BMPER: variants seen among roughly 807,000 people sequenced by gnomAD.
The protein encoded by BMPER is BMP binding endothelial regulator.
BMPER carries 45 observed loss-of-function variants against 87.3 expected under a neutral mutation model. That is an observed-to-expected ratio of 0.52 (90% CI 0.41 to 0.66). The LOEUF (loss-of-function observed/expected upper bound fraction) is 0.66, where lower values mean the gene tolerates loss of function less well. Among genes scored for constraint, BMPER ranks in the 30% least tolerant of loss-of-function variants. The probability of loss-of-function intolerance (pLI) is 0.00; values close to 1 mark genes in which losing one functional copy is unlikely to be tolerated. For missense variants in BMPER, 784 were observed against 867.5 expected (o/e 0.90, Z 1.21); for synonymous variants, 326 against 316.2 (o/e 1.03, Z -0.33).
chr7:33,930,033 A>G (rs1784444511), intron 2 of BMPER, among the ~76,000 whole-genome samples: 1 of 152,128 alleles, frequency 6.6e-6, no homozygotes, highest in South Asian at 2.1e-4. Context: ...TAAGGGCTTG[A>G]GGTATATTGT....
chr7:33,979,239 T>C (rs1785777679), intron 6 of BMPER, among the ~76,000 whole-genome samples: 1 of 151,912 alleles, frequency 6.6e-6, no homozygotes, highest in African/African-American at 2.4e-5. Context: ...CCTATTACTC[T>C]GTTTTGCCTC....
At chr7:34,090,049 G>A (rs1317526756) in intron 13 of BMPER, among the ~76,000 whole-genome samples, 2 of 152,258 alleles carry the variant, frequency 1.3e-5, no homozygotes, top group South Asian at 2.1e-4. Flanking sequence ...AGCATAGCTT[G>A]CTTTAATTAA....
At chr7:34,139,277 T>G (rs964483089) in intron 13 of BMPER, among the ~76,000 whole-genome samples, 1 of 152,238 alleles carries the variant, frequency 6.6e-6, no homozygotes, top group Non-Finnish European at 1.5e-5. Context: ...AGCCGAAGTC[T>G]GTATCAAGAG....
intron 13 of BMPER, among the ~76,000 whole-genome samples, chr7:34,087,173 G>A (rs938893144): frequency 6.6e-6 from 1 of 152,142 alleles, no homozygotes; most frequent in East Asian, 1.9e-4. Flanking sequence ...ATGGCTGTAT[G>A]TGCCAAACCA....
chr7:34,038,888 G>T (rs79415932), intron 6 of BMPER, among the ~76,000 whole-genome samples: 1 of 152,072 alleles, frequency 6.6e-6, no homozygotes, highest in South Asian at 2.1e-4. Flanking sequence ...AGGTTTTGGG[G>T]GTCAGAAAGC....
intron 12 of BMPER, among the ~76,000 whole-genome samples, chr7:34,085,090 A>G (rs1031775326): frequency 3.3e-5 from 5 of 152,334 alleles, no homozygotes; most frequent in South Asian, 2.1e-4. Flanking sequence ...AGGGATAGCA[A>G]TTAGAAGGGT....
rs1341033870 is a variant in BMPER, at chr7:34,085,766, A to G, written c.1419A>G (p.Ile473Met). ...CTCCTCCTCCTCTAGGTTTGGAAAT[A>G]TCTTGGGATGGAGACAGTTTTGTAG... The part of the protein sequence containing the change: ...LKVTTKAGLE[I>M]SWDGDSFVEV... The change falls in exon 13 of 15, where the codon ATA becomes ATG. Residue 473 changes from isoleucine to methionine, a missense_variant. Transcript: ENST00000649409. 3 of 1,613,870 alleles carry G rather than the reference A, an allele frequency of 1.9e-6. No homozygotes were observed. The highest frequency in any genetic ancestry group is 2.5e-6 in the Non-Finnish European group (3 of 1,179,882).
intron 12 of BMPER, among the ~76,000 whole-genome samples, chr7:34,081,039 C>T (rs2127974998): frequency 6.6e-6 from 1 of 151,930 alleles, no homozygotes; most frequent in South Asian, 2.1e-4. Flanking sequence ...AAGTAATTTT[C>T]ATGGAACTCA....
chr7:33,919,292 C>G (rs1784160525), intron 2 of BMPER, among the ~76,000 whole-genome samples: 1 of 152,088 alleles, frequency 6.6e-6, no homozygotes, highest in African/African-American at 2.4e-5. Context: ...GACTTTTAGA[C>G]TTTTTCAAGG....
chr7:33,960,808 T>A (rs1004214130), intron 3 of BMPER, among the ~76,000 whole-genome samples: 1 of 152,174 alleles, frequency 6.6e-6, no homozygotes, highest in Non-Finnish European at 1.5e-5. Context: ...TTTTTGTAGT[T>A]TGTAGGAATA....
chr7:33,905,758 G>C lies in BMPER; in HGVS notation c.133+12G>C. On this transcript the variant is annotated intron_variant, in intron 1 of 14. Transcript: ENST00000649409. ...CTCCTTCTTGACAGGTAGGGGAGGG[G>C]GCGGGAGGGACCGGCCCTCCGGGAC... 6.2e-7 allele frequency: 1 copy of C among 1,609,826 alleles called. No homozygotes were observed. Among genetic ancestry groups the C allele is most frequent in the African/African-American group, 1.3e-5 (1 of 74,832 alleles).
At chr7:34,075,272 T>G (rs1356581266) in intron 11 of BMPER, among the ~76,000 whole-genome samples, 6 of 152,188 alleles carry the variant, frequency 3.9e-5, no homozygotes, top group African/African-American at 1.4e-4. Context: ...TTTTTAAACT[T>G]TTAAAGCAAA....
At chr7:34,139,504 G>A (rs1243597365) in intron 13 of BMPER, among the ~76,000 whole-genome samples, 2 of 152,188 alleles carry the variant, frequency 1.3e-5, no homozygotes, top group Non-Finnish European at 1.5e-5. Flanking sequence ...TATTCACAGT[G>A]CCTGCCTGAC....
chr7:34,084,002 A>T (rs1324314855), intron 12 of BMPER, among the ~76,000 whole-genome samples: 3 of 58,774 alleles, frequency 5.1e-5, no homozygotes, highest in African/African-American at 2.3e-4. Context: ...GGAAAGATTT[A>T]AAAAAAAAAA....
chr7:33,904,972 G>A (rs114417992), upstream of BMPER: 25 of 153,480 alleles, frequency 1.6e-4, no homozygotes, highest in African/African-American at 5.5e-4. The surrounding 1 kb of genome is among the most constrained non-coding windows in gnomAD (Gnocchi z 5.4). Context: ...CCTCCCTGGA[G>A]GGGCTGGGGA....
At chr7:34,018,981 A>G (rs1244815405) in intron 6 of BMPER, among the ~76,000 whole-genome samples, 1 of 151,920 alleles carries the variant, frequency 6.6e-6, no homozygotes, top group Non-Finnish European at 1.5e-5. Context: ...TCCTTGTAAA[A>G]TCTTCTTCAG....
intron 1 of BMPER, among the ~76,000 whole-genome samples, chr7:33,906,361 A>G (rs1019839236): frequency 6.6e-6 from 1 of 152,234 alleles, no homozygotes; most frequent in African/African-American, 2.4e-5. Context: ...TTTAAACCTA[A>G]GACAATGCGA....
chr7:33,943,429 A>G (rs888691419), intron 3 of BMPER, among the ~76,000 whole-genome samples: 2 of 152,288 alleles, frequency 1.3e-5, no homozygotes, highest in South Asian at 2.1e-4. Flanking sequence ...ATTCCATAGT[A>G]TAGATATAGA....
At chr7:34,142,682 C>G (rs1488245130) in intron 13 of BMPER, among the ~76,000 whole-genome samples, 1 of 152,144 alleles carries the variant, frequency 6.6e-6, no homozygotes, top group African/African-American at 2.4e-5. Flanking sequence ...TAAGATATTA[C>G]AGAAGTGAAT....
Sources: allele counts gnomAD v4.1 joint callset (sites outside exome capture counted in the v4.1 genomes callset), GRCh38; gene constraint gnomAD v4.1.1; non-coding constraint Gnocchi (gnomAD v3.1); transcripts MANE v1.5; gene names NCBI Gene and HGNC (gene_info 2026-07-23, HGNC 2026-07-21).